Variants in CLIC5 observed in about 807,000 individuals in gnomAD.
The protein encoded by CLIC5 is CLIC family member 5.
A neutral mutation model predicts 24.7 loss-of-function variants in CLIC5; 20 were observed. The observed-to-expected ratio is 0.81, with a 90% CI of 0.57 to 1.18. The LOEUF is 1.18. Ranked by LOEUF, CLIC5 falls within the 50% of genes most tolerant of loss-of-function variation. The pLI is 0.00. For missense variants in CLIC5, 341 were observed against 326.1 expected, an observed-to-expected ratio of 1.05 and a Z score of -0.35; for synonymous variants, 159 against 135.6, an observed-to-expected ratio of 1.17 and a Z score of -1.20.
At chr6:45,913,875 G>A in intron 5 of CLIC5, 1 of 1,139,588 alleles carries the variant, frequency 8.8e-7, no homozygotes, top group Non-Finnish European at 1.1e-6. Context: ...GTGTAGCCAG[G>A]GAAATCCTAT....
intron 1 of CLIC5, among the ~76,000 whole-genome samples, chr6:46,053,401 C>A (rs947829140): frequency 2.0e-5 from 3 of 152,104 alleles, no homozygotes; most frequent in African/African-American, 7.2e-5. Flanking sequence ...TTGAGCAGAA[C>A]GGAGTGAGGA....
upstream of CLIC5, among the ~76,000 whole-genome samples, chr6:46,018,397 C>T (rs1767081399): frequency 6.6e-6 from 1 of 152,124 alleles, no homozygotes; most frequent in South Asian, 2.1e-4. Flanking sequence ...TAAATTTGGA[C>T]AGATCTCTTT....
At chr6:45,939,733 C>T (rs1048468742) in intron 4 of CLIC5, among the ~76,000 whole-genome samples, 13 of 151,904 alleles carry the variant, frequency 8.6e-5, no homozygotes, top group African/African-American at 3.1e-4. Flanking sequence ...TTCGACCTCC[C>T]AGGTTCAAGC....
rs1281562930 is a variant in CLIC5 at position 45,915,005 on chromosome 6, C to T, written c.407-596G>A. On this transcript the variant is annotated intron_variant, in intron 4 of 5. Coordinates refer to ENST00000339561, the MANE Select transcript of CLIC5 (RefSeq NM_016929.5). ...AGTGCAGTGGCGTGATCTGGGCTCA[C>T]TGCAACCTCCGACTCCCTGGTTCAA... Among the ~76,000 whole-genome samples the T allele has an allele frequency of 2.0e-5, 3 of 151,950 alleles. No homozygotes were observed. The East Asian group carries it at 5.8e-4, about 30-fold the overall frequency.
chr6:46,108,080 A>C, the CLIC5 span, among the ~76,000 whole-genome samples: 1 of 148,510 alleles, frequency 6.7e-6, no homozygotes, highest in Non-Finnish European at 1.5e-5. Context: ...AGAAAGTTGG[A>C]AAGAAAGAAA....
At chr6:45,892,593 T>G (rs1172436424) in intron 6 of CLIC5, among the ~76,000 whole-genome samples, 1 of 152,242 alleles carries the variant, frequency 6.6e-6, no homozygotes, top group African/African-American at 2.4e-5. Context: ...TTAGGGGAGC[T>G]TATTTCCATG....
chr6:45,920,934 C>A (rs1326627827), intron 4 of CLIC5, among the ~76,000 whole-genome samples: 1 of 152,040 alleles, frequency 6.6e-6, no homozygotes, highest in East Asian at 1.9e-4. Flanking sequence ...GTAACCAATC[C>A]CCTCCCCCAC....
At chr6:45,991,421 C>T (rs1433813302) in intron 1 of CLIC5, among the ~76,000 whole-genome samples, 1 of 152,178 alleles carries the variant, frequency 6.6e-6, no homozygotes, top group Admixed American at 6.5e-5. Flanking sequence ...CCCACCAGAG[C>T]TTGGAAGAAG....
intron 1 of CLIC5, among the ~76,000 whole-genome samples, chr6:45,974,522 T>TAGAGAGAGAGAGAG (rs58729329): frequency 3.0e-5 from 2 of 66,002 alleles, no homozygotes; most frequent in African/African-American, 6.2e-5. Flanking sequence ...TATATATATA[T>TAGAGAGAGAGAGAG]AGAGAGAGAG....
chr6:46,090,528 A>G, the CLIC5 span, among the ~76,000 whole-genome samples: 1 of 151,688 alleles, frequency 6.6e-6, no homozygotes, highest in Admixed American at 6.6e-5. Context: ...TTCGCCTTTT[A>G]CTTATTTTTT....
chr6:45,911,471 T>C (rs944472609), intron 5 of CLIC5, among the ~76,000 whole-genome samples: 1 of 152,144 alleles, frequency 6.6e-6, no homozygotes, highest in African/African-American at 2.4e-5. Flanking sequence ...GAAGAGGCTG[T>C]CTTGGCTAAG....
At chr6:46,084,219 C>T (rs1762983651), upstream of CLIC5, among the ~76,000 whole-genome samples, 1 of 152,110 alleles carries the variant, frequency 6.6e-6, no homozygotes, top group African/African-American at 2.4e-5. Flanking sequence ...TGGGTCTTGA[C>T]TCTTTATCCA....
chr6:46,015,471 C>A lies in CLIC5; in HGVS notation c.63+9G>T. 1 of 1,527,952 alleles carries A rather than the reference C, an allele frequency of 6.5e-7. No homozygotes were observed. The highest frequency in any genetic ancestry group is 2.0e-5 in the Admixed American group (1 of 48,980). 94.6% of individuals were successfully genotyped at this position (1,527,952 alleles called of 1,614,324 possible). A position where few individuals can be genotyped will look rare whatever the true frequency, so the allele number is the denominator to read the frequency against. Reference sequence around the variant, plus strand: ...GGCAGGTGCGGCGGGAGACTGGACCCCGACCTACCTTCACAAAGAGCTCGA... The same window carrying A: ...GGCAGGTGCGGCGGGAGACTGGACCACGACCTACCTTCACAAAGAGCTCGA... On this transcript the variant is annotated intron_variant, in intron 1 of 5. Coordinates refer to ENST00000339561, the MANE Select transcript of CLIC5 (RefSeq NM_016929.5).
chr6:45,891,936 T>C (rs1364534309), intron 6 of CLIC5, among the ~76,000 whole-genome samples: 1 of 152,240 alleles, frequency 6.6e-6, no homozygotes, highest in East Asian at 1.9e-4. Flanking sequence ...TATATGTACT[T>C]ATACAGAAGT....
chr6:46,053,188 AG>A (rs753164050), intron 1 of CLIC5, among the ~76,000 whole-genome samples: 2 of 152,192 alleles, frequency 1.3e-5, no homozygotes, highest in African/African-American at 2.4e-5. Context: ...ACTGGAGGGC[AG>A]GGCCTGATAC....
intron 1 of CLIC5, among the ~76,000 whole-genome samples, chr6:45,981,733 G>T (rs916473784): frequency 6.6e-6 from 1 of 152,176 alleles, no homozygotes; most frequent in Non-Finnish European, 1.5e-5. Context: ...GGCCAGGTGC[G>T]GTGGCTCATG....
upstream of CLIC5, chr6:46,015,875 C>T (rs971982167): frequency 9.4e-6 from 10 of 1,060,506 alleles, no homozygotes; most frequent in Non-Finnish European, 1.1e-5. Context: ...CCGCCGCCGC[C>T]AACGCGCCCA....
At position 45,901,022 on chromosome 6, in the gene CLIC5, G is replaced by C. The variant is rs1762497370; in HGVS notation, c.*2066C>G. The C allele has an allele frequency of 6.6e-6, 1 of 152,204 alleles. No individual in the cohort carries two copies. The highest frequency in any genetic ancestry group is 1.5e-5 in the Non-Finnish European group (1 of 68,050). The allele number at this position is 152,204 out of a possible 1,614,324, so 9.4% of individuals were successfully genotyped here. On this transcript the variant is annotated 3_prime_UTR_variant, in exon 6 of 6. Coordinates refer to ENST00000339561, the MANE Select transcript of CLIC5 (RefSeq NM_016929.5). The stretch of plus-strand genomic sequence containing the variant: ...CAGAACAGCCCAACTGTGGGTCTCA[G>C]GGAAGTAAACTGCCTCTTAGGTCAT...
At chr6:45,883,605 C>A (rs924009229) in intron 6 of CLIC5, 4 of 152,258 alleles carry the variant, frequency 2.6e-5, no homozygotes, top group Non-Finnish European at 4.4e-5. Context: ...GGTTGCTGGG[C>A]CCTCAGAAAA....
Sources: gnomAD v4.1 joint callset for allele counts (sites outside exome capture counted in the v4.1 genomes callset) on GRCh38, gnomAD v4.1.1 for gene constraint, MANE v1.5 for transcripts, NCBI Gene and HGNC (gene_info 2026-07-23, HGNC 2026-07-21) for gene names.